DTNB: variants seen among roughly 807,000 people sequenced by gnomAD.
DTNB encodes dystrobrevin beta.
DTNB carries 63 observed loss-of-function variants against 90.7 expected under a neutral mutation model. The observed-to-expected ratio is 0.69, with a 90% CI of 0.57 to 0.86. DTNB has a LOEUF of 0.86. Among genes scored for constraint, DTNB ranks in the 40% least tolerant of loss-of-function variants. The probability of loss-of-function intolerance (pLI) is 0.00; values close to 1 mark genes in which losing one functional copy is unlikely to be tolerated. For missense variants in DTNB, 744 were observed against 807.1 expected (o/e 0.92, Z 0.95); for synonymous variants, 277 against 286.7 (o/e 0.97, Z 0.34).
intron 1 of DTNB, among the ~76,000 whole-genome samples, chr2:25,662,437 T>C (rs1402700922): frequency 6.6e-6 from 1 of 152,130 alleles, no homozygotes; most frequent in African/African-American, 2.4e-5. Context: ...TAAAAAATAA[T>C]ATTATTTCCA....
chr2:25,588,740 G>A (rs2062940770), intron 6 of DTNB, among the ~76,000 whole-genome samples: 1 of 152,176 alleles, frequency 6.6e-6, no homozygotes, highest in African/African-American at 2.4e-5. Context: ...CAAATGATCA[G>A]CTATGATCAA....
intron 12 of DTNB, among the ~76,000 whole-genome samples, chr2:25,444,156 T>C (rs2058024444): frequency 6.6e-6 from 1 of 152,238 alleles, no homozygotes; most frequent in East Asian, 1.9e-4. Context: ...TGATTACATC[T>C]TGGTGACGTT....
chr2:25,628,337 C>T lies in DTNB; in HGVS notation c.196G>A (p.Gly66Ser). The T allele has an allele frequency of 6.2e-7, 1 of 1,613,418 alleles. No individual in the cohort carries two copies. Among genetic ancestry groups the T allele is most frequent in the Non-Finnish European group, 8.5e-7 (1 of 1,179,770 alleles). Residue 66 changes from glycine (G) to serine (S), a missense_variant, in exon 4 of 21, where the codon GGC becomes AGC. By Grantham distance (56) the Gly-to-Ser change is moderately conservative. Coordinates refer to ENST00000406818, the MANE Select transcript of DTNB (RefSeq NM_021907.5). ...WNMIEAFRDN[G>S]LNTLDHTTEI... is the part of the protein sequence containing the mutation. ...GTGGTATGGTCCAGTGTATTAAGGC[C>T]ATTGTCTCGGAAGGCTTCAATCATG... is the stretch of plus-strand genomic sequence containing the variant.
At chr2:25,660,747 G>A (rs903356341) in intron 1 of DTNB, among the ~76,000 whole-genome samples, 1 of 151,982 alleles carries the variant, frequency 6.6e-6, no homozygotes, top group Admixed American at 6.6e-5. Flanking sequence ...CCTACTGATG[G>A]AAATCTGAGT....
At chr2:25,536,531 G>A (rs777962772) in intron 8 of DTNB, among the ~76,000 whole-genome samples, 3 of 152,176 alleles carry the variant, frequency 2.0e-5, no homozygotes, top group East Asian at 3.9e-4. Context: ...GCGAAACCCC[G>A]TCTCCACCAA....
intron 12 of DTNB, among the ~76,000 whole-genome samples, chr2:25,446,683 G>A (rs1351170145): frequency 6.6e-6 from 1 of 151,986 alleles, no homozygotes; most frequent in Non-Finnish European, 1.5e-5. Flanking sequence ...TTCTATCTTT[G>A]TATTCTGTAG....
intron 6 of DTNB, among the ~76,000 whole-genome samples, chr2:25,585,614 T>C (rs925663565): frequency 6.6e-6 from 1 of 152,314 alleles, no homozygotes; most frequent in South Asian, 2.1e-4. Context: ...TAAAATAATT[T>C]AGCTATAGAT....
chr2:25,667,539 C>A (rs1439400591), intron 1 of DTNB, among the ~76,000 whole-genome samples: 3 of 152,036 alleles, frequency 2.0e-5, no homozygotes, highest in Non-Finnish European at 4.4e-5. Flanking sequence ...AGATACACTG[C>A]AAGAAAGACA....
Position 25,455,431 on chromosome 2 carries a change from A to G in DTNB, c.1143T>C (p.Tyr381=), listed in dbSNP as rs3820936. ...GTGCACAGTGCTGCAGACGGGCCAC[A>G]TAGGAGGCTATCAGCGCATGCTCAT... ...LADEHALIAS[Y]VARLQHCARV... The change falls in exon 11 of 21, where the codon TAT becomes TAC. Residue 381 remains tyrosine, a synonymous_variant. Coordinates refer to ENST00000406818, the MANE Select transcript of DTNB (RefSeq NM_021907.5). The G allele has an allele frequency of 3.4e-5, 55 of 1,604,380 alleles. No homozygotes were observed. The East Asian group carries it at 1.2e-3, about 35-fold the overall frequency.
At chr2:25,535,529 C>CG (rs1364232254) in intron 8 of DTNB, among the ~76,000 whole-genome samples, 3 of 138,816 alleles carry the variant, frequency 2.2e-5, no homozygotes, top group Admixed American at 7.2e-5. Context: ...ACTTCCCAGA[C>CG]GGGGCGGCCG....
intron 4 of DTNB, among the ~76,000 whole-genome samples, chr2:25,618,997 A>G (rs2071629150): frequency 1.3e-5 from 2 of 152,170 alleles, no homozygotes; most frequent in African/African-American, 4.8e-5. Flanking sequence ...AAGCCTCTGA[A>G]GTCCCCACCT....
chr2:25,576,700 C>A, intron 8 of DTNB, 138 bp downstream of exon 8: 1 of 1,092,598 alleles, frequency 9.2e-7, no homozygotes, highest in South Asian at 2.6e-5. Context: ...TTTTGCAATC[C>A]TGGCATAAAT....
intron 16 of DTNB, among the ~76,000 whole-genome samples, chr2:25,393,000 A>G (rs1647192362): frequency 6.6e-6 from 1 of 152,226 alleles, no homozygotes; most frequent in Non-Finnish European, 1.5e-5. Context: ...AATACTAGTG[A>G]ACCAAATCCA....
Position 25,442,510 on chromosome 2 carries a change from C to T in DTNB, c.1258-8515G>A, listed in dbSNP as rs2057652051. Among the ~76,000 whole-genome samples, 4 of 152,156 alleles carry T rather than the reference C, an allele frequency of 2.6e-5. No homozygotes were observed. The South Asian group carries it at 8.3e-4, about 32-fold the overall frequency. On this transcript the variant is annotated intron_variant, in intron 12 of 20. Transcript: ENST00000406818. Reference sequence around the variant, plus strand: ...CTTCTCGGGTGATTTCAATGTGCATCCAAGGTCGATGCGCTGCTCTAAGAA... The same window carrying T: ...CTTCTCGGGTGATTTCAATGTGCATTCAAGGTCGATGCGCTGCTCTAAGAA...
rs182430275 is a variant in DTNB at position 25,613,708 on chromosome 2, G to A, written c.363-6387C>T. 4.7e-3 allele frequency among the ~76,000 whole-genome samples: 709 copies of A among 150,856 alleles called. 12 individuals carry two copies. The highest frequency in any genetic ancestry group is 0.045 in the Middle Eastern group (13 of 286). ...GGTGCAGTGGCTCACGCCTGTAATC[G>A]CAACACGTTGGGAGGCCAAGGTGGG... On this transcript the variant is annotated intron_variant, in intron 4 of 20. Transcript: ENST00000406818.
Position 25,524,546 on chromosome 2 carries a change from T to C in DTNB, c.1001+6927A>G, listed in dbSNP as rs140697915. Among the ~76,000 whole-genome samples, 275 of 152,176 alleles carry C rather than the reference T, an allele frequency of 1.8e-3. 2 individuals carry two copies. Among genetic ancestry groups the C allele is most frequent in the African/African-American group, 6.4e-3 (264 of 41,496 alleles). The stretch of plus-strand genomic sequence containing the variant: ...AGTTGAAGACATTTGTAGAACAAGT[T>C]ACTACAGCTGACCAGTATCTGGTTC... On this transcript the variant is annotated intron_variant, in intron 9 of 20. Transcript: ENST00000406818.
intron 9 of DTNB, among the ~76,000 whole-genome samples, chr2:25,524,611 GA>G (rs1484535016): frequency 6.6e-6 from 1 of 152,110 alleles, no homozygotes; most frequent in Non-Finnish European, 1.5e-5. Context: ...ATTCAGGCTT[GA>G]AATTAGGTGG....
intron 4 of DTNB, among the ~76,000 whole-genome samples, chr2:25,609,399 G>A (rs2067914917): frequency 6.6e-6 from 1 of 152,042 alleles, no homozygotes; most frequent in African/African-American, 2.4e-5. Flanking sequence ...GGGAGTTCAA[G>A]ACCAGCCTGA....
At chr2:25,471,834 C>T (rs1312304070) in intron 10 of DTNB, among the ~76,000 whole-genome samples, 1 of 151,544 alleles carries the variant, frequency 6.6e-6, no homozygotes, top group African/African-American at 2.4e-5. Flanking sequence ...GTTAAGGACC[C>T]GCTATCAATC....
Sources: allele counts gnomAD v4.1 joint callset (sites outside exome capture counted in the v4.1 genomes callset), GRCh38; gene constraint gnomAD v4.1.1; transcripts MANE v1.5; gene names NCBI Gene and HGNC (gene_info 2026-07-23, HGNC 2026-07-21).